Variants in EDA observed in about 807,000 individuals in gnomAD.
The protein encoded by EDA is ectodysplasin-A.
Under a neutral mutation model 23.6 loss-of-function variants are expected in EDA, and 2 were observed. That is an observed-to-expected ratio of 0.08 (90% CI 0.03 to 0.27). The LOEUF (loss-of-function observed/expected upper bound fraction) is 0.27, where lower values mean the gene tolerates loss of function less well. Among genes scored for constraint, EDA ranks in the 10% least tolerant of loss-of-function variants. The probability of loss-of-function intolerance (pLI) is 1.00; values close to 1 mark genes in which losing one functional copy is unlikely to be tolerated. For synonymous variants in EDA, 131 were observed against 132.0 expected (o/e 0.99, Z 0.05); for missense variants, 229 against 324.2 (o/e 0.71, Z 2.26).
rs764778777 is a variant in EDA, at chrX:69,845,981, G to A, written c.397-111046G>A. Among the ~76,000 whole-genome samples the A allele has an allele frequency of 1.9e-4, 21 of 112,140 alleles. No homozygotes were observed. The South Asian group carries it at 6.3e-3, about 34-fold the overall frequency. ...GATTACAACCTTATGAGATACCCAA[G>A]GCCAAAACTACATAGCTAAACTGCT... On this transcript the variant is annotated intron_variant, in intron 1 of 7. Transcript: ENST00000374552.
intron 1 of EDA, among the ~76,000 whole-genome samples, chrX:69,766,040 T>C (rs1483995928): frequency 8.9e-6 from 1 of 111,812 alleles, no homozygotes; most frequent in East Asian, 2.8e-4. Flanking sequence ...TTTATCTAAG[T>C]TTTTGTCTGT....
intron 1 of EDA, among the ~76,000 whole-genome samples, chrX:69,754,433 A>G (rs1364042455): frequency 8.9e-6 from 1 of 112,156 alleles, no homozygotes; most frequent in Non-Finnish European, 1.9e-5. Context: ...CCGAGAGATC[A>G]GCTTTTAGTC....
chrX:69,793,570 G>GT lies in EDA; in HGVS notation c.397-163438dup, dbSNP rs67241807. Among the ~76,000 whole-genome samples the GT allele has an allele frequency of 5.2e-3, 307 of 58,742 alleles. 9 individuals carry two copies. Among genetic ancestry groups the GT allele is most frequent in the South Asian group, 0.014 (11 of 773 alleles). 51.0% of individuals were successfully genotyped at this position (58,742 alleles called of 115,157 possible). A position where few individuals can be genotyped will look rare whatever the true frequency, so the allele number is the denominator to read the frequency against. ...GCTTTTTGTTTGTTTGTTTGTTTTTGTTTTTTTTTTTTTTTTTTTGCTCCC... is the reference window on the plus strand; with the variant it reads ...GCTTTTTGTTTGTTTGTTTGTTTTTGTTTTTTTTTTTTTTTTTTTTGCTCCC... On this transcript the variant is annotated intron_variant, in intron 1 of 7. Coordinates refer to ENST00000374552, the MANE Select transcript of EDA (RefSeq NM_001399.5).
intron 1 of EDA, among the ~76,000 whole-genome samples, chrX:69,721,271 G>T (rs772882907): frequency 8.9e-6 from 1 of 111,980 alleles, no homozygotes; most frequent in East Asian, 2.8e-4. Context: ...AAAAGTGTTT[G>T]GGCAAAGGAG....
intron 1 of EDA, among the ~76,000 whole-genome samples, chrX:69,677,748 T>A (rs1481109266): frequency 8.9e-6 from 1 of 111,818 alleles, no homozygotes; most frequent in African/African-American, 3.3e-5. Flanking sequence ...GAGTAGGTTG[T>A]GAAAATTTTC....
At chrX:69,927,869 T>C (rs1190325443) in intron 1 of EDA, among the ~76,000 whole-genome samples, 1 of 111,240 alleles carries the variant, frequency 9.0e-6, no homozygotes, top group Non-Finnish European at 1.9e-5. Flanking sequence ...TTGTTTCCAA[T>C]TCCATCTTAC....
intron 1 of EDA, among the ~76,000 whole-genome samples, chrX:69,654,513 C>A (rs983456304): frequency 1.8e-5 from 2 of 111,525 alleles, no homozygotes; most frequent in Non-Finnish European, 3.8e-5. Flanking sequence ...TTTATAGCGG[C>A]ACTATTCACA....
At chrX:69,774,101 G>A (rs973352490) in intron 1 of EDA, among the ~76,000 whole-genome samples, 1 of 111,895 alleles carries the variant, frequency 8.9e-6, no homozygotes, top group Admixed American at 9.5e-5. Flanking sequence ...TCAATGCCTA[G>A]TGAATTATGA....
chrX:69,991,588 A>C (rs1044099223), intron 2 of EDA, among the ~76,000 whole-genome samples: 7 of 110,698 alleles, frequency 6.3e-5, no homozygotes, highest in African/African-American at 2.3e-4. Flanking sequence ...TGGGCTTTCC[A>C]CTCCATCTCT....
At chrX:69,999,097 G>A (rs1168294582) in intron 2 of EDA, among the ~76,000 whole-genome samples, 1 of 111,213 alleles carries the variant, frequency 9.0e-6, no homozygotes, top group African/African-American at 3.3e-5. Context: ...AATAACATTG[G>A]TGCCTGAAAT....
chrX:69,647,377 T>A lies in EDA; in HGVS notation c.396+30673T>A, dbSNP rs1932956026. On this transcript the variant is annotated intron_variant, in intron 1 of 7. Transcript: ENST00000374552. The stretch of plus-strand genomic sequence containing the variant: ...CATAATCCCATATTTCATGGAGGTT[T>A]TGTTCATTCCTTTCATTTTTTTTCT... 2.7e-5 allele frequency among the ~76,000 whole-genome samples: 3 copies of A among 111,928 alleles called. No individual in the cohort carries two copies. The South Asian group carries it at 1.1e-3, about 42-fold the overall frequency.
chrX:69,823,356 C>G (rs1448730999), intron 1 of EDA, among the ~76,000 whole-genome samples: 2 of 86,299 alleles, frequency 2.3e-5, no homozygotes, highest in Non-Finnish European at 4.4e-5. Flanking sequence ...TCTCCAGCAC[C>G]TGTTGTTTCC....
At position 69,904,538 on chromosome X, in the gene EDA, A is replaced by G. The variant is rs1314669681; in HGVS notation, c.397-52489A>G. Among the ~76,000 whole-genome samples, 3 of 111,468 alleles carry G rather than the reference A, an allele frequency of 2.7e-5. No homozygotes were observed. In the East Asian group the frequency reaches 8.5e-4, roughly 32 times the overall value. On this transcript the variant is annotated intron_variant, in intron 1 of 7. Coordinates refer to ENST00000374552, the MANE Select transcript of EDA (RefSeq NM_001399.5). ...GCCATTTCTTTAAATCTCTGTAGAGATAGGGTCTCACTATTTGCCCAGGCT... is the reference window on the plus strand; with the variant it reads ...GCCATTTCTTTAAATCTCTGTAGAGGTAGGGTCTCACTATTTGCCCAGGCT...
chrX:69,715,658 A>G (rs1189272569), intron 1 of EDA, among the ~76,000 whole-genome samples: 1 of 111,811 alleles, frequency 8.9e-6, no homozygotes. Flanking sequence ...GAATTGCCAC[A>G]CTGTTTTTCA....
chrX:69,700,694 C>A (rs996877149), intron 1 of EDA, among the ~76,000 whole-genome samples: 4 of 110,790 alleles, frequency 3.6e-5, no homozygotes, highest in Non-Finnish European at 7.6e-5. Flanking sequence ...AAGGGTAATG[C>A]GGACAGGAGT....
At chrX:69,828,567 G>A (rs1049767527) in intron 1 of EDA, among the ~76,000 whole-genome samples, 5 of 111,891 alleles carry the variant, frequency 4.5e-5, no homozygotes, top group South Asian at 3.7e-4. Flanking sequence ...GCTCGCGCAC[G>A]GTGCACTGCA....
chrX:69,745,870 C>T (rs1420779678), intron 1 of EDA, among the ~76,000 whole-genome samples: 1 of 111,143 alleles, frequency 9.0e-6, no homozygotes, highest in Admixed American at 9.6e-5. Flanking sequence ...CACCTGTAAT[C>T]CCAGCTACTC....
intron 1 of EDA, among the ~76,000 whole-genome samples, chrX:69,844,994 A>T (rs1458569985): frequency 8.9e-6 from 1 of 112,161 alleles, no homozygotes; most frequent in Non-Finnish European, 1.9e-5. Context: ...GAGGGAAAGG[A>T]AAATAAGTAA....
intron 1 of EDA, among the ~76,000 whole-genome samples, chrX:69,823,020 A>G (rs2016279818): frequency 1.0e-5 from 1 of 100,304 alleles, no homozygotes; most frequent in South Asian, 4.7e-4. Flanking sequence ...TACAAAGGAC[A>G]TGAACTCATC....
Sources: gnomAD v4.1 joint callset for allele counts (sites outside exome capture counted in the v4.1 genomes callset) on GRCh38, gnomAD v4.1.1 for gene constraint, MANE v1.5 for transcripts, NCBI Gene and HGNC (gene_info 2026-07-23, HGNC 2026-07-21) for gene names.